Variants in ELMO1 observed in about 807,000 individuals in gnomAD.
ELMO1 encodes engulfment and cell motility protein 1.
Under a neutral mutation model 98.9 loss-of-function variants are expected in ELMO1, and 26 were observed. That is an observed-to-expected ratio of 0.26 (90% confidence interval 0.19 to 0.36). The LOEUF (loss-of-function observed/expected upper bound fraction) is 0.36, where lower values mean the gene tolerates loss of function less well. ELMO1 is among the 10% of genes least tolerant of loss of function. ELMO1 has a pLI of 1.00. For synonymous variants in ELMO1, 346 were observed against 346.0 expected (o/e 1.00, Z 0.00); for missense variants, 627 against 935.2 (o/e 0.67, Z 4.30).
intron 2 of ELMO1, among the ~76,000 whole-genome samples, chr7:37,335,038 G>A (rs1384877927): frequency 1.3e-5 from 2 of 152,180 alleles, no homozygotes; most frequent in Non-Finnish European, 2.9e-5. Context: ...GGATACAAAT[G>A]TATGTAAGCC....
At chr7:37,335,539 C>T (rs1467936971) in intron 2 of ELMO1, among the ~76,000 whole-genome samples, 1 of 152,098 alleles carries the variant, frequency 6.6e-6, no homozygotes, top group Non-Finnish European at 1.5e-5. Context: ...TACCAGAAAG[C>T]TCAAGAATCA....
intron 16 of ELMO1, among the ~76,000 whole-genome samples, chr7:36,983,462 T>C (rs1261507470): frequency 1.3e-5 from 2 of 152,204 alleles, no homozygotes; most frequent in Admixed American, 1.3e-4. Context: ...TCTTCCCCTA[T>C]ATACTCACTC....
intron 15 of ELMO1, among the ~76,000 whole-genome samples, chr7:37,017,812 TA>T (rs11289021): frequency 0.29 from 43,313 of 151,866 alleles, 8,282 homozygotes; most frequent in African/African-American, 0.55. Context: ...ACTAATATAT[TA>T]AAAAAAACCC....
intron 13 of ELMO1, among the ~76,000 whole-genome samples, chr7:37,184,514 T>C (rs1791079919): frequency 1.3e-5 from 2 of 152,208 alleles, no homozygotes; most frequent in African/African-American, 2.4e-5. Flanking sequence ...GTGAATACGT[T>C]GACTGAAAAG....
At chr7:36,911,863 G>A (rs1392620069) in intron 16 of ELMO1, among the ~76,000 whole-genome samples, 3 of 152,108 alleles carry the variant, frequency 2.0e-5, no homozygotes, top group African/African-American at 7.2e-5. Flanking sequence ...CAAACAGCCT[G>A]CTCCCCACAT....
At chr7:37,020,311 C>T (rs1195826456) in intron 15 of ELMO1, among the ~76,000 whole-genome samples, 1 of 152,216 alleles carries the variant, frequency 6.6e-6, no homozygotes, top group Non-Finnish European at 1.5e-5. Flanking sequence ...AGTCTGCCTG[C>T]ACTGAACTTT....
At chr7:37,114,380 T>C (rs1785436196) in intron 14 of ELMO1, among the ~76,000 whole-genome samples, 1 of 152,096 alleles carries the variant, frequency 6.6e-6, no homozygotes, top group Non-Finnish European at 1.5e-5. Context: ...GTCAATAGGA[T>C]TTTGAAAGTA....
intron 13 of ELMO1, chr7:37,211,131 T>C (rs1411335001): frequency 2.5e-5 from 10 of 401,146 alleles, no homozygotes; most frequent in Non-Finnish European, 4.0e-5. Flanking sequence ...CCGGGCTAAC[T>C]ACTCTCGGTT....
At chr7:37,312,632 C>T (rs1030550307) in intron 4 of ELMO1, among the ~76,000 whole-genome samples, 1 of 152,174 alleles carries the variant, frequency 6.6e-6, no homozygotes, top group African/African-American at 2.4e-5. Flanking sequence ...TAAGGGTTCA[C>T]TGTACCATGC....
chr7:37,134,080 C>T (rs1352108816), intron 13 of ELMO1, among the ~76,000 whole-genome samples: 3 of 152,080 alleles, frequency 2.0e-5, no homozygotes, highest in Non-Finnish European at 4.4e-5. Context: ...CCATCTCACA[C>T]CAGTCAGAAT....
chr7:37,346,474 T>C (rs1184706587), intron 1 of ELMO1, among the ~76,000 whole-genome samples: 4 of 152,254 alleles, frequency 2.6e-5, no homozygotes, highest in African/African-American at 7.2e-5. Context: ...TAAGTAATTA[T>C]AGTGTCTTCT....
intron 13 of ELMO1, among the ~76,000 whole-genome samples, chr7:37,202,565 T>A (rs951670532): frequency 1.3e-5 from 2 of 152,330 alleles, no homozygotes; most frequent in African/African-American, 4.8e-5. Flanking sequence ...GGATGCGGTA[T>A]TTTGGTATAG....
intron 13 of ELMO1, among the ~76,000 whole-genome samples, chr7:37,157,311 G>T (rs1788847364): frequency 6.6e-6 from 1 of 152,130 alleles, no homozygotes; most frequent in South Asian, 2.1e-4. Context: ...GGAAGTTCTG[G>T]CCAGGGCAAT....
At chr7:37,169,260 A>C (rs1238613691) in intron 13 of ELMO1, among the ~76,000 whole-genome samples, 1 of 152,178 alleles carries the variant, frequency 6.6e-6, no homozygotes, top group African/African-American at 2.4e-5. Flanking sequence ...TTCTTTGACT[A>C]GGAAAGGGAA....
At chr7:37,422,515 G>C (rs1804515256) in intron 1 of ELMO1, among the ~76,000 whole-genome samples, 1 of 152,188 alleles carries the variant, frequency 6.6e-6, no homozygotes, top group South Asian at 2.1e-4. Flanking sequence ...AGAGGATTCA[G>C]CTATTCGCAG....
At chr7:37,337,571 T>A (rs983233847) in intron 2 of ELMO1, among the ~76,000 whole-genome samples, 3 of 149,106 alleles carry the variant, frequency 2.0e-5, no homozygotes, top group African/African-American at 7.4e-5. Context: ...GGGGTTGGGA[T>A]AAGCTGAAAG....
At chr7:36,931,776 G>T (rs557847815) in intron 16 of ELMO1, among the ~76,000 whole-genome samples, 2 of 152,334 alleles carry the variant, frequency 1.3e-5, no homozygotes, top group African/African-American at 4.8e-5. Flanking sequence ...TGCTTGAGCT[G>T]CGTAACCTTG....
intron 1 of ELMO1, among the ~76,000 whole-genome samples, chr7:37,444,653 C>T: frequency 6.6e-6 from 1 of 151,580 alleles, no homozygotes; most frequent in East Asian, 1.9e-4. Context: ...GCTGGGACTA[C>T]AGGCACCCAC....
intron 13 of ELMO1, among the ~76,000 whole-genome samples, chr7:37,157,248 A>T (rs185272195): frequency 2.0e-5 from 3 of 152,344 alleles, no homozygotes; most frequent in Admixed American, 6.5e-5. Flanking sequence ...CCCTTTGAAA[A>T]CTGGCACAAG....
Sources: gnomAD v4.1 joint callset for allele counts (sites outside exome capture counted in the v4.1 genomes callset) on GRCh38, gnomAD v4.1.1 for gene constraint, MANE v1.5 for transcripts, NCBI Gene and HGNC (gene_info 2026-07-23, HGNC 2026-07-21) for gene names.